The following RPRD2 variants were observed in gnomAD, a reference collection of about 807,000 sequenced individuals.
RPRD2 encodes the protein regulation of nuclear pre-mRNA domain containing 2, also known as regulation of nuclear pre-mRNA domain-containing protein 2.
Under a neutral mutation model 104.4 loss-of-function variants are expected in RPRD2, and 12 were observed. The ratio of observed to expected loss-of-function variants is 0.11; its 90% CI spans 0.07 to 0.19. The LOEUF (loss-of-function observed/expected upper bound fraction) is 0.19. RPRD2 is among the 10% of genes least tolerant of loss of function. The pLI, the probability that RPRD2 is intolerant of heterozygous loss-of-function variation, is 1.00. For missense variants in RPRD2, 1,543 were observed against 1,790.1 expected (o/e 0.86, Z 2.49); for synonymous variants, 714 against 684.9 (o/e 1.04, Z -0.66).
At chr1:150,435,694 G>T (rs587662340) in intron 2 of RPRD2, among the ~76,000 whole-genome samples, 31 of 152,322 alleles carry the variant, frequency 2.0e-4, no homozygotes, top group Admixed American at 7.2e-4. Context: ...TTTAAGGAAA[G>T]AAGTCATCTC....
chr1:150,385,393 G>A (rs1159222968), intron 1 of RPRD2, among the ~76,000 whole-genome samples: 1 of 152,076 alleles, frequency 6.6e-6, no homozygotes, highest in Non-Finnish European at 1.5e-5. Context: ...AGAATTACTT[G>A]AACCCAGGAG....
At position 150,475,742 on chromosome 1, in the gene RPRD2, G is replaced by GA. The variant is rs1482153329; in HGVS notation, c.*2412dup. On this transcript the variant is annotated 3_prime_UTR_variant, in exon 11 of 11. Transcript: ENST00000369068. Reference sequence around the variant, plus strand: ...TATATATGTGATAAATAGTGAAACAGAAAAGACAGTTCTGGTATTCATAAC... The same window carrying GA: ...TATATATGTGATAAATAGTGAAACAGAAAAAGACAGTTCTGGTATTCATAAC... 6 of 152,548 alleles carry GA rather than the reference G, an allele frequency of 3.9e-5. No homozygotes were observed. The highest frequency in any genetic ancestry group is 1.2e-4 in the African/African-American group (5 of 41,430). 9.4% of individuals were successfully genotyped at this position (152,548 alleles called of 1,614,324 possible).
chr1:150,432,308 G>A (rs587624885), intron 2 of RPRD2, among the ~76,000 whole-genome samples: 67 of 152,172 alleles, frequency 4.4e-4, no homozygotes, highest in African/African-American at 1.6e-3. Context: ...ACCTAGAATT[G>A]TTAGGTCCAT....
chr1:150,372,506 G>GACACACAGACAC (rs1553878637), intron 1 of RPRD2, among the ~76,000 whole-genome samples: 1 of 150,182 alleles, frequency 6.7e-6, no homozygotes, highest in Non-Finnish European at 1.5e-5. Flanking sequence ...CACACACACA[G>GACACACAGACAC]ACACACACAC....
At chr1:150,443,449 C>T (rs1553894886) in intron 5 of RPRD2, among the ~76,000 whole-genome samples, 166 bp downstream of exon 5, 1 of 152,144 alleles carries the variant, frequency 6.6e-6, no homozygotes, top group Non-Finnish European at 1.5e-5. Context: ...GATTGCTTGG[C>T]GTTTTATCTG....
chr1:150,428,489 A>G (rs1665321993), intron 2 of RPRD2, among the ~76,000 whole-genome samples: 1 of 147,820 alleles, frequency 6.8e-6, no homozygotes, highest in Non-Finnish European at 1.5e-5. Flanking sequence ...ATCTATCCTC[A>G]TTCACTGTTT....
In RPRD2 at chr1:150,446,263, A is replaced by G; in HGVS notation, c.732A>G (p.Glu244=). 6.3e-7 allele frequency: 1 copy of G among 1,597,944 alleles called. No individual in the cohort carries two copies. Among genetic ancestry groups the G allele is most frequent in the Non-Finnish European group, 8.5e-7 (1 of 1,175,402 alleles). The change falls in exon 7 of 11, where the codon GAA becomes GAG. Residue 244 remains glutamate, a synonymous_variant. Coordinates refer to ENST00000369068, the MANE Select transcript of RPRD2 (RefSeq NM_015203.5). The part of the protein sequence containing the change: ...TGGKKFSKEF[E]EASSKLEEFV... ...GGAAGAAGTTCTCCAAAGAATTTGA[A>G]GAGGCAAGCTCCAAGCTGGAAGAAT...
At chr1:150,456,449 A>G (rs10788874) in intron 7 of RPRD2, among the ~76,000 whole-genome samples, 33,633 of 151,782 alleles carry the variant, frequency 0.22, 4,239 homozygotes, top group African/African-American at 0.32. Flanking sequence ...AATGTACGTG[A>G]TTAATAATAG....
At chr1:150,372,254 C>G (rs1033362985) in intron 1 of RPRD2, among the ~76,000 whole-genome samples, 1 of 152,116 alleles carries the variant, frequency 6.6e-6, no homozygotes, top group Non-Finnish European at 1.5e-5. Context: ...TTATCAAACA[C>G]CTACTGTGCC....
intron 1 of RPRD2, among the ~76,000 whole-genome samples, chr1:150,401,468 A>G (rs1553885360): frequency 6.6e-6 from 1 of 150,408 alleles, no homozygotes; most frequent in Non-Finnish European, 1.5e-5. Flanking sequence ...AGCCTGGGCA[A>G]CAGAGCGAGA....
intron 4 of RPRD2, among the ~76,000 whole-genome samples, chr1:150,442,383 A>G (rs1392326700): frequency 1.3e-5 from 2 of 152,162 alleles, no homozygotes; most frequent in Middle Eastern, 3.2e-3. Flanking sequence ...TTTGGGGGAT[A>G]TACTCTACCA....
chr1:150,374,193 T>C (rs1660536652), intron 1 of RPRD2, among the ~76,000 whole-genome samples: 1 of 152,148 alleles, frequency 6.6e-6, no homozygotes, highest in Admixed American at 6.5e-5. Flanking sequence ...GTTTAATTAA[T>C]TATGCCTTCA....
At chr1:150,378,625 A>G (rs1694369) in intron 1 of RPRD2, among the ~76,000 whole-genome samples, 45,270 of 152,088 alleles carry the variant, frequency 0.3, 8,203 homozygotes, top group Non-Finnish European at 0.4. Flanking sequence ...TGCAAAAATG[A>G]AAAACAATTT....
chr1:150,420,055 A>T (rs970485814), intron 2 of RPRD2, among the ~76,000 whole-genome samples: 3 of 152,210 alleles, frequency 2.0e-5, no homozygotes, highest in Non-Finnish European at 4.4e-5. Flanking sequence ...TCCAAAGCCC[A>T]TGTTGTTTGC....
chr1:150,450,812 T>C (rs1249303970), intron 7 of RPRD2, among the ~76,000 whole-genome samples: 1 of 151,704 alleles, frequency 6.6e-6, no homozygotes, highest in Middle Eastern at 3.2e-3. Context: ...GGTTTCGCCA[T>C]ATTGGCCAGA....
intron 1 of RPRD2, among the ~76,000 whole-genome samples, chr1:150,366,004 GT>G (rs369670166): frequency 2.6e-5 from 4 of 151,980 alleles, no homozygotes; most frequent in African/African-American, 9.7e-5. Flanking sequence ...CTCCAGTTAT[GT>G]TTTTTTTGTC....
At chr1:150,373,533 C>CGTTTTT (rs1660476319) in intron 1 of RPRD2, among the ~76,000 whole-genome samples, 1 of 97,420 alleles carries the variant, frequency 1.0e-5, no homozygotes, top group Non-Finnish European at 2.0e-5. Flanking sequence ...TCAAGAATGA[C>CGTTTTT]TTTTTTTTTT....
chr1:150,391,610 T>G (rs1397319135), intron 1 of RPRD2, among the ~76,000 whole-genome samples: 1 of 152,172 alleles, frequency 6.6e-6, no homozygotes, highest in Non-Finnish European at 1.5e-5. Flanking sequence ...TTAGTATAGT[T>G]TAAAAAGCCA....
At chr1:150,418,293 T>C (rs1422686439) in intron 2 of RPRD2, among the ~76,000 whole-genome samples, 2 of 152,108 alleles carry the variant, frequency 1.3e-5, no homozygotes, top group Non-Finnish European at 2.9e-5. Context: ...AGCTCTCTCT[T>C]CTGTTTTCAA....
Sources: gnomAD v4.1 joint callset for allele counts (sites outside exome capture counted in the v4.1 genomes callset) on GRCh38, gnomAD v4.1.1 for gene constraint, MANE v1.5 for transcripts, NCBI Gene and HGNC (gene_info 2026-07-23, HGNC 2026-07-21) for gene names.